The following ECPAS variants were observed in gnomAD, a reference collection of about 807,000 sequenced individuals.
The protein encoded by ECPAS is proteasome adapter and scaffold protein ECM29.
ECPAS carries 70 observed loss-of-function variants against 255.1 expected under a neutral mutation model. That is an observed-to-expected ratio of 0.27 (90% CI 0.23 to 0.33). The LOEUF (loss-of-function observed/expected upper bound fraction) is 0.33, where lower values mean the gene tolerates loss of function less well. ECPAS is among the 10% of genes least tolerant of loss of function. The probability of loss-of-function intolerance (pLI) is 1.00; values close to 1 mark genes in which losing one functional copy is unlikely to be tolerated. For missense variants in ECPAS, 1,817 were observed against 2,206.4 expected (o/e 0.82, Z 3.54); for synonymous variants, 784 against 775.0 (o/e 1.01, Z -0.19).
chr9:111,408,884 G>C (rs926276246), intron 23 of ECPAS, among the ~76,000 whole-genome samples: 1 of 152,196 alleles, frequency 6.6e-6, no homozygotes, highest in Non-Finnish European at 1.5e-5. Flanking sequence ...ATCCACAGCT[G>C]CAAAAGAAGA....
intron 2 of ECPAS, among the ~76,000 whole-genome samples, chr9:111,459,159 T>C (rs2098270358): frequency 6.6e-6 from 1 of 152,204 alleles, no homozygotes; most frequent in African/African-American, 2.4e-5. Flanking sequence ...TATATAAATA[T>C]TGTATATAAT....
At chr9:111,401,327 G>C (rs777675772) in intron 24 of ECPAS, among the ~76,000 whole-genome samples, 17 of 152,120 alleles carry the variant, frequency 1.1e-4, no homozygotes, top group Admixed American at 5.9e-4. Context: ...CATATTGGTA[G>C]GACCGTGATG....
rs914649546 is a variant in ECPAS at position 111,392,618 on chromosome 9, T to C, written c.3092+150A>G. 9.4e-5 allele frequency: 56 copies of C among 593,454 alleles called. No homozygotes were observed. In the African/African-American group the frequency reaches 9.6e-4, roughly 10 times the overall value. The allele number at this position is 593,454 out of a possible 1,614,324, so 36.8% of individuals were successfully genotyped here. On this transcript the variant is annotated intron_variant, in intron 28 of 49. Coordinates refer to ENST00000684092, the MANE Select transcript of ECPAS (RefSeq NM_001364929.1). ...AGTATACCCTGGAATAATTGTGCTATCCACAGCACAACAATTATGGACTCG... is the reference window on the plus strand; with the variant it reads ...AGTATACCCTGGAATAATTGTGCTACCCACAGCACAACAATTATGGACTCG...
chr9:111,391,470 G>A (rs752779819), intron 29 of ECPAS, among the ~76,000 whole-genome samples: 1 of 151,932 alleles, frequency 6.6e-6, no homozygotes, highest in Admixed American at 6.6e-5. Flanking sequence ...TCAGTTACCT[G>A]GGAAGCTGAG....
chr9:111,482,669 G>A (rs1005622150), intron 1 of ECPAS, among the ~76,000 whole-genome samples: 1 of 151,826 alleles, frequency 6.6e-6, no homozygotes, highest in African/African-American at 2.4e-5. Context: ...AAAAGGGAAA[G>A]AAAGAAAACC....
At chr9:111,444,951 C>T (rs1279404417) in intron 3 of ECPAS, among the ~76,000 whole-genome samples, 2 of 151,298 alleles carry the variant, frequency 1.3e-5, no homozygotes, top group East Asian at 3.9e-4. Flanking sequence ...ACCTCTGCCT[C>T]CCAAAGTGCT....
chr9:111,416,200 C>A, intron 18 of ECPAS, 72 bp downstream of exon 18: 1 of 1,063,494 alleles, frequency 9.4e-7, no homozygotes, highest in South Asian at 1.3e-5. Flanking sequence ...AAATGACAGA[C>A]CCCTCTTTGG....
chr9:111,414,403 CT>C, intron 19 of ECPAS, 25 bp downstream of exon 19: 2 of 1,593,560 alleles, frequency 1.3e-6, no homozygotes, highest in East Asian at 4.5e-5. Flanking sequence ...GCTTCAGTAT[CT>C]TTCCTTCGCG....
chr9:111,394,042 T>C (rs1701389643), intron 26 of ECPAS, 118 bp downstream of exon 26: 1 of 1,000,278 alleles, frequency 1.0e-6, no homozygotes, highest in East Asian at 2.7e-5. Flanking sequence ...CATTCCTTCA[T>C]GTACAATGTA....
At chr9:111,369,248 G>C in intron 45 of ECPAS, 75 bp from the exon 46 acceptor site, 1 of 1,142,544 alleles carries the variant, frequency 8.8e-7, no homozygotes, top group Non-Finnish European at 1.2e-6. Context: ...AAGCTATCAG[G>C]GTACCAACCA....
In ECPAS at chr9:111,480,287, CT is replaced by C. The variant is rs1282400347; in HGVS notation, c.-83+3828del. On this transcript the variant is annotated intron_variant, in intron 1 of 49. Transcript: ENST00000684092. ...TTTTTAGTGGAATTCTTAAAAGCACCTTTTCTTTTTTTTTTTTTTTTTTTTT... is the reference window on the plus strand; with the variant it reads ...TTTTTAGTGGAATTCTTAAAAGCACCTTTCTTTTTTTTTTTTTTTTTTTTT... Among the ~76,000 whole-genome samples, 24 of 113,690 alleles carry C rather than the reference CT, an allele frequency of 2.1e-4. No homozygotes were observed. The East Asian group carries it at 2.6e-3, about 12-fold the overall frequency. The allele number at this position is 113,690 out of a possible 152,430, so 74.6% of individuals were successfully genotyped here.
intron 25 of ECPAS, among the ~76,000 whole-genome samples, chr9:111,395,048 A>G (rs1320826849): frequency 6.6e-6 from 1 of 152,162 alleles, no homozygotes; most frequent in Non-Finnish European, 1.5e-5. Flanking sequence ...TGGTTTCTCA[A>G]TTCTCACTTT....
intron 36 of ECPAS, among the ~76,000 whole-genome samples, chr9:111,377,828 A>T (rs1188105338): frequency 6.6e-6 from 1 of 152,170 alleles, no homozygotes; most frequent in Non-Finnish European, 1.5e-5. Context: ...CACAATAAAT[A>T]TGTTTCATCT....
chr9:111,389,352 C>T (rs530525519), intron 31 of ECPAS, among the ~76,000 whole-genome samples: 5 of 152,264 alleles, frequency 3.3e-5, no homozygotes, highest in South Asian at 2.1e-4. Flanking sequence ...ATATTGTTTC[C>T]CTTTTGGAGA....
chr9:111,364,185 G>A (rs1048318828), intron 48 of ECPAS, among the ~76,000 whole-genome samples: 5 of 152,100 alleles, frequency 3.3e-5, no homozygotes, highest in Middle Eastern at 3.2e-3. Flanking sequence ...TCTTTGACAC[G>A]GCGTCTGGTT....
At chr9:111,423,173 C>A in intron 13 of ECPAS, 26 bp downstream of exon 13, 1 of 1,505,934 alleles carries the variant, frequency 6.6e-7, no homozygotes, top group South Asian at 1.2e-5. Flanking sequence ...AACACCATAT[C>A]TCTCACTAAA....
Position 111,408,584 on chromosome 9 carries a change from A to G in ECPAS, c.2639T>C (p.Met880Thr). Residue 880 changes from methionine (M) to threonine (T), a missense_variant, in exon 24 of 50, where the codon ATG becomes ACG. Transcript: ENST00000684092. ...PHQKLLLQGL[M>T]DSVEAKQIEL... ...CAATATAAATACCTCCACAGAATCCATCAGACCTTGCAAGAGGAGTTTCTG... is the reference window on the plus strand; with the variant it reads ...CAATATAAATACCTCCACAGAATCCGTCAGACCTTGCAAGAGGAGTTTCTG... The G allele has an allele frequency of 6.3e-7, 1 of 1,584,892 alleles. No individual in the cohort carries two copies.
rs1368330466 is a variant in ECPAS at position 111,389,716 on chromosome 9, G to A, written c.3287C>T (p.Ala1096Val). 1 of 1,608,608 alleles carries A rather than the reference G, an allele frequency of 6.2e-7. No homozygotes were observed. Among genetic ancestry groups the A allele is most frequent in the Admixed American group, 1.7e-5 (1 of 58,862 alleles). ...GGTAGCAATTACATTAAAACCAAAA[G>A]CAGCACCCTAAAAATAATAGGCTGA... ...HAMWNSRKGAAFGFNVIATRA... is the reference protein window; with the variant it reads ...HAMWNSRKGAVFGFNVIATRA... The change falls in exon 31 of 50, where the codon GCT (alanine) becomes GTT (valine). Residue 1096 changes from alanine (A) to valine (V), a missense_variant. Ala to Val is a moderately conservative substitution (Grantham distance 64). Around this residue, in one of 4 missense-constraint regions of ECPAS, gnomAD observed 960 missense variants for 1,179.0 expected, o/e 0.81. Transcript: ENST00000684092.
chr9:111,458,975 G>A (rs759116842), intron 2 of ECPAS, among the ~76,000 whole-genome samples: 5 of 151,994 alleles, frequency 3.3e-5, no homozygotes, highest in Admixed American at 6.6e-5. Flanking sequence ...AACCTGAGGG[G>A]GTCCATGGAG....
Sources: gnomAD v4.1 joint callset for allele counts (sites outside exome capture counted in the v4.1 genomes callset) on GRCh38, gnomAD v4.1.1 for gene constraint, gnomAD v4.1.1 regional missense constraint, MANE v1.5 for transcripts, NCBI Gene and HGNC (gene_info 2026-07-23, HGNC 2026-07-21) for gene names.